SLC6A12: variants seen among roughly 807,000 people sequenced by gnomAD.
SLC6A12 encodes sodium- and chloride-dependent betaine transporter.
SLC6A12 carries 50 observed loss-of-function variants against 73.3 expected under a neutral mutation model. The ratio of observed to expected loss-of-function variants is 0.68; its 90% CI spans 0.54 to 0.86. SLC6A12 has a LOEUF of 0.86. SLC6A12 is among the 40% of genes least tolerant of loss of function. The probability of loss-of-function intolerance (pLI) is 0.00; values close to 1 mark genes in which losing one functional copy is unlikely to be tolerated. For synonymous variants in SLC6A12, 304 were observed against 309.2 expected, an observed-to-expected ratio of 0.98 and a Z score of 0.18; for missense variants, 648 against 772.8, an observed-to-expected ratio of 0.84 and a Z score of 1.92.
chr12:189,228 C>A (rs1377081484), downstream of SLC6A12, among the ~76,000 whole-genome samples: 1 of 150,014 alleles, frequency 6.7e-6, no homozygotes, highest in Non-Finnish European at 1.5e-5. Flanking sequence ...CTAGGGGCCC[C>A]GGGGGAGGGC....
downstream of SLC6A12, among the ~76,000 whole-genome samples, chr12:187,424 T>C (rs1285061794): frequency 1.3e-5 from 2 of 151,704 alleles, no homozygotes; most frequent in Non-Finnish European, 2.9e-5. Flanking sequence ...CGATGAGTGC[T>C]ACAACTCTGA....
intron 12 of SLC6A12, among the ~76,000 whole-genome samples, chr12:195,711 C>T (rs1158783961): frequency 2.0e-5 from 3 of 152,180 alleles, no homozygotes; most frequent in Non-Finnish European, 4.4e-5. Flanking sequence ...TCTCTTTCCT[C>T]CTGGGTTGGC....
At chr12:211,520 G>A (rs1038086933) in intron 2 of SLC6A12, among the ~76,000 whole-genome samples, 1 of 152,250 alleles carries the variant, frequency 6.6e-6, no homozygotes, top group Non-Finnish European at 1.5e-5. Flanking sequence ...CAGGGGAAAA[G>A]AGGGAGGAAA....
At chr12:187,441 C>T (rs190289665), downstream of SLC6A12, among the ~76,000 whole-genome samples, 87 of 151,748 alleles carry the variant, frequency 5.7e-4, 1 homozygote, top group African/African-American at 2.0e-3. Flanking sequence ...CTGAAGGCGG[C>T]GCGTCTGGAG....
At chr12:197,174 C>T (rs7489323) in intron 10 of SLC6A12, among the ~76,000 whole-genome samples, 1,969 of 11,056 alleles carry the variant, frequency 0.18, 56 homozygotes, top group Middle Eastern at 0.32. Flanking sequence ...TCCATCCATC[C>T]ATCCATCCAT....
chr12:193,774 C>T (rs1481218548), intron 13 of SLC6A12, among the ~76,000 whole-genome samples: 6 of 152,152 alleles, frequency 3.9e-5, no homozygotes, highest in African/African-American at 1.4e-4. Context: ...CAACAAGGCT[C>T]CCGCTGTTCA....
At chr12:184,711 C>G in the SLC6A12 span, among the ~76,000 whole-genome samples, 1 of 152,066 alleles carries the variant, frequency 6.6e-6, no homozygotes, top group African/African-American at 2.4e-5. Flanking sequence ...GATGGCGCCA[C>G]TGCACTCTAG....
rs770425966 is a variant in SLC6A12, at chr12:197,961, T to C, written c.889A>G (p.Ile297Val). The C allele has an allele frequency of 6.2e-7, 1 of 1,611,286 alleles. No individual in the cohort carries two copies. The highest frequency in any genetic ancestry group is 1.1e-5 in the South Asian group (1 of 90,976). The part of the protein sequence containing the change: ...AGTQIFFSFA[I>V]CQGCLTALGS... ...AGGGCTGTCAGGCACCCCTGGCAGA[T>C]GGCAAAGGAGAAGAAGATCTGGGTG... Residue 297 changes from isoleucine to valine, a missense_variant, in exon 9 of 16, where the codon ATC (isoleucine) becomes GTC (valine). Ile to Val is a conservative substitution (Grantham distance 29, BLOSUM62 3). Transcript: ENST00000684302.
At chr12:203,851 AG>A (rs1010470553) in intron 4 of SLC6A12, 2 of 152,068 alleles carry the variant, frequency 1.3e-5, no homozygotes, top group African/African-American at 4.8e-5. Context: ...GCTCCGGGAG[AG>A]GGGAGTGCGG....
rs370788960 is a variant in SLC6A12, at chr12:192,493, C to G, written c.1686G>C (p.Arg562=). 337 of 1,613,888 alleles carry G rather than the reference C, an allele frequency of 2.1e-4. 1 individual carries two copies. Among genetic ancestry groups the G allele is most frequent in the Admixed American group, 3.3e-4 (20 of 59,984 alleles). ...CACCACCTACCTTCCTGAAAGGACCCCGAGTCTTCAGGAGGGTGATGACGA... is the reference window on the plus strand; with the variant it reads ...CACCACCTACCTTCCTGAAAGGACCGCGAGTCTTCAGGAGGGTGATGACGA... ...LFVVITLLKT[R]GPFRKRLRQL... Residue 562 remains arginine, a synonymous_variant, in exon 15 of 16, where the codon CGG becomes CGC. Coordinates refer to ENST00000684302, the MANE Select transcript of SLC6A12 (RefSeq NM_001122848.3).
In SLC6A12 at chr12:210,425, T is replaced by C. The variant is rs889050626; in HGVS notation, c.-57-382A>G. On this transcript the variant is annotated intron_variant, in intron 2 of 15. Transcript: ENST00000684302. ...CTCAGCCTAGCCTCTGGCCTCCAGG[T>C]CAGAAGGGATCAAAGCCTGCCGAGG... is the stretch of plus-strand genomic sequence containing the variant. 1.1e-5 allele frequency: 12 copies of C among 1,062,376 alleles called. No homozygotes were observed. In the African/African-American group the frequency reaches 2.0e-4, roughly 18 times the overall value. The allele number at this position is 1,062,376 out of a possible 1,614,324, so 65.8% of individuals were successfully genotyped here.
At chr12:212,312 G>C (rs1371564273) in intron 1 of SLC6A12, among the ~76,000 whole-genome samples, 1 of 152,206 alleles carries the variant, frequency 6.6e-6, no homozygotes, top group Non-Finnish European at 1.5e-5. Context: ...AGGCAGCTGT[G>C]GCAGGACCAA....
chr12:201,514 C>T (rs927083288), intron 6 of SLC6A12: 5 of 497,444 alleles, frequency 1.0e-5, no homozygotes, highest in African/African-American at 3.9e-5. Context: ...GGCAGACACA[C>T]GCATGGAGGT....
In SLC6A12 at chr12:213,249, A is replaced by G. The variant is rs778794382; in HGVS notation, c.-143+673T>C. ...TACCAACACCCATTCCCATACACAC[A>G]CTGGTGCCATTTCCCGTCACGTCCC... On this transcript the variant is annotated intron_variant, in intron 1 of 15. Coordinates refer to ENST00000684302, the MANE Select transcript of SLC6A12 (RefSeq NM_001122848.3). The surrounding 1 kb of genome is among the most constrained non-coding windows in gnomAD (Gnocchi z 5.3). 11 of 152,476 alleles carry G rather than the reference A, an allele frequency of 7.2e-5. 1 individual carries two copies. Among genetic ancestry groups the G allele is most frequent in the Non-Finnish European group, 8.8e-5 (6 of 68,306 alleles). The allele number at this position is 152,476 out of a possible 1,614,324, so 9.4% of individuals were successfully genotyped here. A position where few individuals can be genotyped will look rare whatever the true frequency, so the allele number is the denominator to read the frequency against.
At position 198,893 on chromosome 12, in the gene SLC6A12, A is replaced by G. The variant is rs1940062092; in HGVS notation, c.750T>C (p.Leu250=). ...TGACACCTCTGATCAGCAAAATGAC[A>G]AGCATCAGGTACGGAAACGTGGCTG... ...YFTATFPYLM[L]VILLIRGVTL... Residue 250 remains leucine, a synonymous_variant, in exon 8 of 16, where the codon CTT becomes CTC. Coordinates refer to ENST00000684302, the MANE Select transcript of SLC6A12 (RefSeq NM_001122848.3). This position sits in a 1 kb window ranked among gnomAD's most constrained non-coding sequence, Gnocchi z 4.0. 6.2e-7 allele frequency: 1 copy of G among 1,613,998 alleles called. No homozygotes were observed. The highest frequency in any genetic ancestry group is 1.1e-5 in the South Asian group (1 of 91,088).
chr12:204,986 T>G (rs1240193761), intron 3 of SLC6A12: 2 of 331,022 alleles, frequency 6.0e-6, no homozygotes, highest in African/African-American at 4.1e-5. Context: ...ATTTTCTTAG[T>G]GTGCTTTACA....
chr12:210,086 C>T, intron 2 of SLC6A12, 43 bp from the exon 3 acceptor site: 1 of 1,500,060 alleles, frequency 6.7e-7, no homozygotes. Flanking sequence ...CCGACATGCT[C>T]CCGCCAGCCC....
chr12:198,881 C>T lies in SLC6A12; in HGVS notation c.762G>A (p.Leu254=), dbSNP rs1940061784. The change falls in exon 8 of 16, where the codon CTG becomes CTA. Residue 254 remains leucine (L), a synonymous_variant. Transcript: ENST00000684302. The surrounding 1 kb of genome is among the most constrained non-coding windows in gnomAD (Gnocchi z 4.0). ...CTCCGGGAAGGGTGACACCTCTGAT[C>T]AGCAAAATGACAAGCATCAGGTACG... ...TFPYLMLVIL[L]IRGVTLPGAY... 5 of 1,614,182 alleles carry T rather than the reference C, an allele frequency of 3.1e-6. No individual in the cohort carries two copies. In the East Asian group the frequency reaches 1.1e-4, roughly 36 times the overall value.
chr12:191,466 CCT>C (rs1939595558), intron 15 of SLC6A12, among the ~76,000 whole-genome samples: 1 of 152,166 alleles, frequency 6.6e-6, no homozygotes, highest in Admixed American at 6.5e-5. Flanking sequence ...TCACTTAACC[CCT>C]CTGTTAATCC....
Sources: gnomAD v4.1 joint callset for allele counts (sites outside exome capture counted in the v4.1 genomes callset) on GRCh38, gnomAD v4.1.1 for gene constraint, Gnocchi (gnomAD v3.1) non-coding constraint, MANE v1.5 for transcripts, NCBI Gene and HGNC (gene_info 2026-07-23, HGNC 2026-07-21) for gene names.